TCF4: variants seen among roughly 807,000 people sequenced by gnomAD.
The protein encoded by TCF4 is SL3-3 enhancer factor 2.
TCF4 carries 3 observed loss-of-function variants against 82.1 expected under a neutral mutation model. That is an observed-to-expected ratio of 0.04 (90% CI 0.02 to 0.09). TCF4 has a LOEUF of 0.09. TCF4 is among the 10% of genes least tolerant of loss of function. The pLI is 1.00. For synonymous variants in TCF4, 276 were observed against 309.6 expected (o/e 0.89, Z 1.14); for missense variants, 518 against 852.7 (o/e 0.61, Z 4.89).
At chr18:55,604,468 T>C (rs1039404352) in intron 2 of TCF4, among the ~76,000 whole-genome samples, 1 of 151,812 alleles carries the variant, frequency 6.6e-6, no homozygotes, top group African/African-American at 2.4e-5. Context: ...AAGGAGGGAG[T>C]GCAAGAGGCC....
chr18:55,251,784 T>C (rs377001801), intron 15 of TCF4, among the ~76,000 whole-genome samples: 3 of 152,218 alleles, frequency 2.0e-5, no homozygotes, highest in Non-Finnish European at 2.9e-5. Context: ...TCTGCTGAAG[T>C]TTCCGGTGCA....
At chr18:55,344,353 A>ACAGTTAAGC (rs1354489134) in intron 8 of TCF4, among the ~76,000 whole-genome samples, 3 of 152,200 alleles carry the variant, frequency 2.0e-5, no homozygotes, top group African/African-American at 7.2e-5. Flanking sequence ...ATATAAATTC[A>ACAGTTAAGC]CAGTTAAGCT....
intron 6 of TCF4, among the ~76,000 whole-genome samples, chr18:55,365,270 C>T (rs2086715987): frequency 1.4e-5 from 2 of 143,230 alleles, no homozygotes; most frequent in Non-Finnish European, 3.0e-5. Flanking sequence ...TATATATACA[C>T]ACACACACAC....
intron 3 of TCF4, among the ~76,000 whole-genome samples, chr18:55,556,268 A>T (rs1442091487): frequency 6.6e-6 from 1 of 152,150 alleles, no homozygotes; most frequent in Non-Finnish European, 1.5e-5. Flanking sequence ...CCCCTGCTCA[A>T]GAGCAATAGT....
At chr18:55,357,243 T>C (rs2083785903) in intron 6 of TCF4, among the ~76,000 whole-genome samples, 2 of 152,184 alleles carry the variant, frequency 1.3e-5, no homozygotes, top group African/African-American at 4.8e-5. Flanking sequence ...GGGGATTATA[T>C]TTGTTGGCGG....
intron 3 of TCF4, among the ~76,000 whole-genome samples, chr18:55,465,690 T>A (rs1178365310): frequency 2.0e-5 from 3 of 152,210 alleles, no homozygotes; most frequent in Non-Finnish European, 4.4e-5. Context: ...CCTCTGGGAT[T>A]CGCACATAAA....
intron 3 of TCF4, among the ~76,000 whole-genome samples, chr18:55,467,410 G>T (rs1251162004): frequency 2.6e-5 from 4 of 152,034 alleles, no homozygotes; most frequent in Admixed American, 6.6e-5. Context: ...GGCTTATTAG[G>T]GTCCGTCTCA....
At chr18:55,429,048 T>G (rs1253848832) in intron 5 of TCF4, among the ~76,000 whole-genome samples, 1 of 152,188 alleles carries the variant, frequency 6.6e-6, no homozygotes, top group Non-Finnish European at 1.5e-5. Context: ...TTAAATATAT[T>G]TTGTCAATGA....
intron 3 of TCF4, among the ~76,000 whole-genome samples, chr18:55,542,074 C>T (rs192151723): frequency 5.3e-5 from 8 of 152,018 alleles, no homozygotes; most frequent in Admixed American, 4.6e-4. Flanking sequence ...AGTAATTGTG[C>T]ATATCTATAA....
rs949196590 is a variant in TCF4, at chr18:55,588,030, G to A, written c.-21+8C>T. The A allele has an allele frequency of 5.1e-6, 5 of 982,088 alleles. No individual in the cohort carries two copies. Among genetic ancestry groups the A allele is most frequent in the Admixed American group, 6.3e-5 (1 of 15,864 alleles). The allele number at this position is 982,088 out of a possible 1,614,324, so 60.8% of individuals were successfully genotyped here. ...GCCCCGCCGAGCCCCGCAGGCGCCGGTACCTACCGCCCGCGCGCGAGAAGG... is the reference window on the plus strand; with the variant it reads ...GCCCCGCCGAGCCCCGCAGGCGCCGATACCTACCGCCCGCGCGCGAGAAGG... On this transcript the variant is annotated splice_region_variant and intron_variant, in intron 1 of 19. Transcript: ENST00000354452.
intron 6 of TCF4, among the ~76,000 whole-genome samples, chr18:55,390,875 C>A (rs2093025530): frequency 1.3e-5 from 2 of 152,156 alleles, no homozygotes; most frequent in South Asian, 2.1e-4. Flanking sequence ...ACATAAAACT[C>A]CAAACTTAAA....
chr18:55,483,046 C>T (rs538486315), intron 3 of TCF4: 1 of 152,282 alleles, frequency 6.6e-6, no homozygotes, highest in African/African-American at 2.4e-5. Context: ...GCTGCATAAA[C>T]ACAAGGGATG....
At chr18:55,394,132 C>T (rs2093346665) in intron 6 of TCF4, among the ~76,000 whole-genome samples, 1 of 152,080 alleles carries the variant, frequency 6.6e-6, no homozygotes, top group Non-Finnish European at 1.5e-5. Flanking sequence ...AGGTATATTA[C>T]AGAGATGAAA....
chr18:55,355,422 GT>G (rs2144961544), intron 6 of TCF4, among the ~76,000 whole-genome samples: 1 of 152,250 alleles, frequency 6.6e-6, no homozygotes, highest in South Asian at 2.1e-4. Flanking sequence ...CTGTCGAATA[GT>G]TGCTGCTGAA....
intron 3 of TCF4, among the ~76,000 whole-genome samples, chr18:55,565,587 T>C (rs1308667006): frequency 2.0e-5 from 3 of 152,162 alleles, no homozygotes; most frequent in African/African-American, 4.8e-5. Context: ...TGTGAATTCA[T>C]AAGCATCTCA....
At chr18:55,336,199 T>C (rs1428574570) in intron 8 of TCF4, among the ~76,000 whole-genome samples, 2 of 152,120 alleles carry the variant, frequency 1.3e-5, no homozygotes, top group Non-Finnish European at 2.9e-5. Context: ...TTGATCATGA[T>C]ACATTAAATG....
chr18:55,468,058 C>A (rs116763688), intron 3 of TCF4, among the ~76,000 whole-genome samples: 1 of 152,140 alleles, frequency 6.6e-6, no homozygotes, highest in Non-Finnish European at 1.5e-5. Flanking sequence ...ACCAGCTGAA[C>A]GTTCCCTCCT....
intron 5 of TCF4, among the ~76,000 whole-genome samples, chr18:55,448,815 T>A (rs964933897): frequency 1.3e-5 from 2 of 152,228 alleles, no homozygotes; most frequent in Non-Finnish European, 2.9e-5. Context: ...ATTCCACTCT[T>A]AAACTAGTAT....
At chr18:55,328,979 AG>A (rs2077051201) in intron 8 of TCF4, among the ~76,000 whole-genome samples, 1 of 152,178 alleles carries the variant, frequency 6.6e-6, no homozygotes, top group Non-Finnish European at 1.5e-5. Context: ...CACATCATGG[AG>A]CAATAGGACA....
Sources: gnomAD v4.1 joint callset for allele counts (sites outside exome capture counted in the v4.1 genomes callset) on GRCh38, gnomAD v4.1.1 for gene constraint, MANE v1.5 for transcripts, NCBI Gene and HGNC (gene_info 2026-07-23, HGNC 2026-07-21) for gene names.